The following GOT1 variants were observed in gnomAD, a reference collection of about 807,000 sequenced individuals.
GOT1 encodes aspartate aminotransferase, cytoplasmic.
GOT1 carries 25 observed loss-of-function variants against 48.2 expected under a neutral mutation model. That is an observed-to-expected ratio of 0.52 (90% confidence interval 0.38 to 0.72). The LOEUF (loss-of-function observed/expected upper bound fraction) is 0.72. GOT1 is among the 30% of genes least tolerant of loss of function. The pLI, the probability that GOT1 is intolerant of heterozygous loss-of-function variation, is 0.00. For missense variants in GOT1, 380 were observed against 520.1 expected (o/e 0.73, Z 2.62); for synonymous variants, 188 against 193.8 (o/e 0.97, Z 0.25).
intron 1 of GOT1, among the ~76,000 whole-genome samples, chr10:99,425,146 A>G (rs2033022127): frequency 6.6e-6 from 1 of 152,252 alleles, no homozygotes; most frequent in Non-Finnish European, 1.5e-5. Context: ...TTTACAGAGA[A>G]TGAAGAATGA....
Position 99,430,451 on chromosome 10 carries a change from C to T in GOT1, c.115G>A (p.Gly39Arg), listed in dbSNP as rs745448004. 1 of 1,606,812 alleles carries T rather than the reference C, an allele frequency of 6.2e-7. No homozygotes were observed. The highest frequency in any genetic ancestry group is 1.1e-5 in the South Asian group (1 of 90,062). ...CTCCAGAGCACTACATCCTTACCTCCCACTCCCAGGTTGACCTTGCGGGGG... is the reference window on the plus strand; with the variant it reads ...CTCCAGAGCACTACATCCTTACCTCTCACTCCCAGGTTGACCTTGCGGGGG... Reference protein sequence around the residue: ...PDPRKVNLGVGAYRTDDCHPW... With the variant: ...PDPRKVNLGVRAYRTDDCHPW... Residue 39 changes from glycine to arginine, a missense_variant, in exon 1 of 9, where the codon GGA (glycine) becomes AGA (arginine). Gly to Arg is a moderately radical substitution (Grantham distance 125, BLOSUM62 -2). Transcript: ENST00000370508.
At chr10:99,428,804 A>G (rs2033073795) in intron 1 of GOT1, among the ~76,000 whole-genome samples, 1 of 152,226 alleles carries the variant, frequency 6.6e-6, no homozygotes, top group African/African-American at 2.4e-5. Context: ...ATTTGAGGCA[A>G]TCTTTCAACA....
chr10:99,419,699 G>A (rs1359504671), intron 2 of GOT1, among the ~76,000 whole-genome samples: 1 of 152,156 alleles, frequency 6.6e-6, no homozygotes, highest in Admixed American at 6.5e-5. Flanking sequence ...GGCCTGGCAT[G>A]GGGTCCACAG....
chr10:99,430,554 C>A lies in GOT1; in HGVS notation c.12G>T (p.Pro4=). 6.2e-7 allele frequency: 1 copy of A among 1,603,102 alleles called. No individual in the cohort carries two copies. The highest frequency in any genetic ancestry group is 8.5e-7 in the Non-Finnish European group (1 of 1,173,688). ...CCTGCGGAACCTCGGCAAAGACTGA[C>A]GGAGGTGCCATATCGAGAGACTAGG... MAP[P]SVFAEVPQAQ... is the part of the protein sequence containing the mutation. Residue 4 remains proline, a synonymous_variant, in exon 1 of 9, where the codon CCG becomes CCT. Coordinates refer to ENST00000370508, the MANE Select transcript of GOT1 (RefSeq NM_002079.3).
intron 2 of GOT1, among the ~76,000 whole-genome samples, chr10:99,407,373 T>C (rs537075920): frequency 6.6e-6 from 1 of 152,310 alleles, no homozygotes; most frequent in South Asian, 2.1e-4. Context: ...CTTAGAAGTA[T>C]GTTCTAACAA....
intron 2 of GOT1, among the ~76,000 whole-genome samples, chr10:99,411,104 TA>T (rs1291645711): frequency 6.6e-6 from 1 of 152,214 alleles, no homozygotes; most frequent in African/African-American, 2.4e-5. Context: ...TGGTACTACA[TA>T]AGCATGTGCT....
rs1352644142 is a variant in GOT1 at position 99,397,857 on chromosome 10, T to G, written c.1103-171A>C. ...CAAACAGAAAAATATGCTCACTAGA[T>G]TCTGGAAAGTACTCTTACTAGTTCA... is the stretch of plus-strand genomic sequence containing the variant. On this transcript the variant is annotated intron_variant, in intron 8 of 8. Coordinates refer to ENST00000370508, the MANE Select transcript of GOT1 (RefSeq NM_002079.3). This position sits in a 1 kb window ranked among gnomAD's most constrained non-coding sequence, Gnocchi z 5.4. 6.6e-6 allele frequency among the ~76,000 whole-genome samples: 1 copy of G among 152,148 alleles called. No homozygotes were observed. The highest frequency in any genetic ancestry group is 1.5e-5 in the Non-Finnish European group (1 of 68,006).
At chr10:99,402,103 C>G (rs370208345) in intron 8 of GOT1, among the ~76,000 whole-genome samples, 1 of 152,110 alleles carries the variant, frequency 6.6e-6, no homozygotes, top group Non-Finnish European at 1.5e-5. Context: ...CCACTGTGCC[C>G]AGCCCAATCT....
At chr10:99,411,945 G>T (rs2032832727) in intron 2 of GOT1, among the ~76,000 whole-genome samples, 1 of 152,220 alleles carries the variant, frequency 6.6e-6, no homozygotes, top group South Asian at 2.1e-4. Flanking sequence ...AGTAAGAACA[G>T]TTAAGTACTG....
Position 99,397,636 on chromosome 10 carries a change from T to G in GOT1, c.1153A>C (p.Ser385Arg). The G allele has an allele frequency of 6.2e-7, 1 of 1,614,012 alleles. No homozygotes were observed. Among genetic ancestry groups the G allele is most frequent in the Non-Finnish European group, 8.5e-7 (1 of 1,179,876 alleles). The change falls in exon 9 of 9, where the codon AGT (serine) becomes CGT (arginine). Residue 385 changes from serine to arginine, a missense_variant. Transcript: ENST00000370508. The surrounding 1 kb of genome is among the most constrained non-coding windows in gnomAD (Gnocchi z 5.4). ...VNEKHIYLLP[S>R]GRINVSGLTT... ...AAGCCACTCACGTTGATTCGACCACTTGGCAGCAGGTAGATGTGCTTTTCA... is the reference window on the plus strand; with the variant it reads ...AAGCCACTCACGTTGATTCGACCACGTGGCAGCAGGTAGATGTGCTTTTCA...
Position 99,403,243 on chromosome 10 carries a change from A to T in GOT1, c.959+226T>A, listed in dbSNP as rs151188030. On this transcript the variant is annotated intron_variant, in intron 7 of 8. Transcript: ENST00000370508. Reference sequence around the variant, plus strand: ...GACTGGGTGGGGGGGGAAATTGGGGAAAACTACCATTCATCGAGTGCCCCC... The same window carrying T: ...GACTGGGTGGGGGGGGAAATTGGGGTAAACTACCATTCATCGAGTGCCCCC... Among the ~76,000 whole-genome samples the T allele has an allele frequency of 1.1e-3, 174 of 152,094 alleles. 5 individuals are homozygous for T. The East Asian group carries it at 0.027, about 24-fold the overall frequency.
chr10:99,429,712 C>T, intron 1 of GOT1, among the ~76,000 whole-genome samples: 1 of 152,152 alleles, frequency 6.6e-6, no homozygotes, highest in East Asian at 1.9e-4. Flanking sequence ...AACTGAGGCC[C>T]ATGCTCTGAG....
intron 2 of GOT1, 65 bp downstream of exon 2, chr10:99,420,559 T>C: frequency 8.1e-7 from 1 of 1,231,880 alleles, no homozygotes; most frequent in Non-Finnish European, 1.2e-6. Flanking sequence ...TTAAACAAAC[T>C]GTATTCTCAA....
rs141982211 is a variant in GOT1, at chr10:99,406,535, T to C, written c.424+191A>G. 5.9e-5 allele frequency among the ~76,000 whole-genome samples: 9 copies of C among 152,326 alleles called. No individual in the cohort carries two copies. The East Asian group carries it at 1.7e-3, about 29-fold the overall frequency. ...GGTAGATACAAGTCTACTAAGAGTC[T>C]TGAGAAAGAGTATTCTTAACTTGAT... On this transcript the variant is annotated intron_variant, in intron 3 of 8. Coordinates refer to ENST00000370508, the MANE Select transcript of GOT1 (RefSeq NM_002079.3).
chr10:99,421,950 C>T (rs1378308549), intron 1 of GOT1, among the ~76,000 whole-genome samples: 2 of 151,916 alleles, frequency 1.3e-5, no homozygotes, highest in African/African-American at 4.8e-5. Flanking sequence ...GGGAAAAGCC[C>T]AGAAGGTAAA....
chr10:99,408,523 C>T (rs982778819), intron 2 of GOT1, among the ~76,000 whole-genome samples: 29 of 152,022 alleles, frequency 1.9e-4, no homozygotes, highest in African/African-American at 7.0e-4. Context: ...TTGAGACCAG[C>T]CTGGCCAACA....
chr10:99,419,599 G>A (rs2032941438), intron 2 of GOT1, among the ~76,000 whole-genome samples: 1 of 152,022 alleles, frequency 6.6e-6, no homozygotes, highest in African/African-American at 2.4e-5. Context: ...AAACACCTGG[G>A]GAGTATTTAA....
intron 1 of GOT1, among the ~76,000 whole-genome samples, chr10:99,425,997 C>T (rs2134110836): frequency 6.6e-6 from 1 of 152,224 alleles, no homozygotes; most frequent in South Asian, 2.1e-4. Context: ...GGATAGCAAC[C>T]CACAAAATAG....
At chr10:99,416,227 G>A (rs924290670) in intron 2 of GOT1, among the ~76,000 whole-genome samples, 5 of 152,088 alleles carry the variant, frequency 3.3e-5, no homozygotes, top group South Asian at 2.1e-4. Flanking sequence ...TTAAGCTGAT[G>A]AGCCACTTCA....
Sources: allele counts gnomAD v4.1 joint callset (sites outside exome capture counted in the v4.1 genomes callset), GRCh38; gene constraint gnomAD v4.1.1; non-coding constraint Gnocchi (gnomAD v3.1); transcripts MANE v1.5; gene names NCBI Gene and HGNC (gene_info 2026-07-23, HGNC 2026-07-21).